KCNH8: variants seen among roughly 807,000 people sequenced by gnomAD.
KCNH8 encodes the protein voltage-gated delayed rectifier potassium channel KCNH8.
KCNH8 carries 70 observed loss-of-function variants against 103.6 expected under a neutral mutation model. The observed-to-expected ratio is 0.68, with a 90% CI of 0.56 to 0.82. KCNH8 has a LOEUF of 0.82. Among genes scored for constraint, KCNH8 ranks in the 40% least tolerant of loss-of-function variants. The probability of loss-of-function intolerance (pLI) is 0.00; values close to 1 mark genes in which losing one functional copy is unlikely to be tolerated. For missense variants in KCNH8, 1,217 were observed against 1,329.9 expected, an observed-to-expected ratio of 0.92 and a Z score of 1.32; for synonymous variants, 498 against 489.4, an observed-to-expected ratio of 1.02 and a Z score of -0.23.
intron 1 of KCNH8, 113 bp downstream of exon 1, chr3:19,148,908 G>T: frequency 2.1e-6 from 2 of 957,958 alleles, no homozygotes; most frequent in South Asian, 2.7e-5. Context: ...ATTTTCTTCT[G>T]TTCTTGCCAA....
chr3:19,232,691 C>T (rs372909682), intron 1 of KCNH8, among the ~76,000 whole-genome samples: 63 of 152,144 alleles, frequency 4.1e-4, no homozygotes, highest in African/African-American at 1.5e-3. Context: ...AATGCCCAAC[C>T]TGGGATAGCA....
intron 11 of KCNH8, among the ~76,000 whole-genome samples, chr3:19,507,655 A>C (rs544516386): frequency 6.6e-6 from 1 of 152,258 alleles, no homozygotes; most frequent in South Asian, 2.1e-4. Flanking sequence ...GTTGTGTTGG[A>C]GTCCCAGGTC....
At position 19,390,469 on chromosome 3, in the gene KCNH8, T is replaced by C. The variant is rs2066420517; in HGVS notation, c.812-12T>C. 1.3e-6 allele frequency: 2 copies of C among 1,598,116 alleles called. No individual in the cohort carries two copies. Among genetic ancestry groups the C allele is most frequent in the Non-Finnish European group, 1.7e-6 (2 of 1,170,044 alleles). On this transcript the variant is annotated splice_polypyrimidine_tract_variant and intron_variant, in intron 5 of 15. Coordinates refer to ENST00000328405, the MANE Select transcript of KCNH8 (RefSeq NM_144633.3). ...CTTCCTTTTATTTCTCAACCTTTTT[T>C]TTCCCAAGCAGATATTATTTTAAAT...
chr3:19,335,801 A>G (rs2065576459), intron 3 of KCNH8, among the ~76,000 whole-genome samples: 1 of 151,740 alleles, frequency 6.6e-6, no homozygotes, highest in African/African-American at 2.4e-5. Context: ...CATTAAATCT[A>G]AAAATAGAAC....
chr3:19,365,812 G>A (rs900202548), intron 5 of KCNH8, among the ~76,000 whole-genome samples: 2 of 151,928 alleles, frequency 1.3e-5, no homozygotes, highest in Admixed American at 1.3e-4. Flanking sequence ...GGGAAGGAAT[G>A]GGCTGCAATT....
In KCNH8 at chr3:19,220,464, G is replaced by A. The variant is rs11919622; in HGVS notation, c.77-33190G>A. 7.6e-3 allele frequency among the ~76,000 whole-genome samples: 1,160 copies of A among 152,368 alleles called. 15 individuals are homozygous for A. Among genetic ancestry groups the A allele is most frequent in the African/African-American group, 0.026 (1,067 of 41,592 alleles). The stretch of plus-strand genomic sequence containing the variant: ...CTTGCAGGGGTAAGATTGGTGACGT[G>A]TAGGAGAGTCTGAAAGGGTGTTTCT... On this transcript the variant is annotated intron_variant, in intron 1 of 15. Coordinates refer to ENST00000328405, the MANE Select transcript of KCNH8 (RefSeq NM_144633.3).
At chr3:19,419,188 GGTTTTGGTT>G (rs1438309026) in intron 7 of KCNH8, among the ~76,000 whole-genome samples, 4 of 75,880 alleles carry the variant, frequency 5.3e-5, no homozygotes, top group African/African-American at 1.9e-4. Context: ...TAATTAAAAT[GGTTTTGGTT>G]TTTTTTTTTT....
intron 7 of KCNH8, among the ~76,000 whole-genome samples, chr3:19,395,596 A>G (rs1162776843): frequency 1.3e-5 from 2 of 152,034 alleles, no homozygotes; most frequent in African/African-American, 2.4e-5. Flanking sequence ...ATAATGTTCA[A>G]TCTTATCTTG....
chr3:19,214,575 G>A (rs977495944), intron 1 of KCNH8, among the ~76,000 whole-genome samples: 4 of 152,278 alleles, frequency 2.6e-5, no homozygotes, highest in Middle Eastern at 3.4e-3. Context: ...TCAGGCCAAG[G>A]CTAAACTTTA....
intron 7 of KCNH8, among the ~76,000 whole-genome samples, chr3:19,402,845 G>A (rs2066633601): frequency 6.6e-6 from 1 of 151,896 alleles, no homozygotes; most frequent in African/African-American, 2.4e-5. Context: ...TGCTTGTTCC[G>A]TACTTCCTTA....
At chr3:19,327,033 T>G (rs1197979304) in intron 3 of KCNH8, among the ~76,000 whole-genome samples, 1 of 152,110 alleles carries the variant, frequency 6.6e-6, no homozygotes, top group Non-Finnish European at 1.5e-5. Context: ...TCTAGTTCTC[T>G]CTCTCTGTCT....
intron 11 of KCNH8, among the ~76,000 whole-genome samples, chr3:19,490,498 T>C (rs1017010052): frequency 7.2e-5 from 11 of 152,200 alleles, no homozygotes; most frequent in African/African-American, 2.7e-4. Flanking sequence ...ACAGGGATTT[T>C]CACAGTGCTT....
At chr3:19,199,357 A>G (rs1452410516) in intron 1 of KCNH8, among the ~76,000 whole-genome samples, 1 of 152,040 alleles carries the variant, frequency 6.6e-6, no homozygotes, top group Non-Finnish European at 1.5e-5. Flanking sequence ...AATCAGAAAC[A>G]AAGGGCATCA....
Position 19,343,559 on chromosome 3 carries a change from G to A in KCNH8, c.570+845G>A, listed in dbSNP as rs528355221. On this transcript the variant is annotated intron_variant, in intron 4 of 15. Coordinates refer to ENST00000328405, the MANE Select transcript of KCNH8 (RefSeq NM_144633.3). ...TGTATGGGGTGTTGTGTGACCATAG[G>A]TGGCAGATTAAATACCAGCATCTAA... Among the ~76,000 whole-genome samples the A allele has an allele frequency of 4.6e-5, 7 of 152,156 alleles. No individual in the cohort carries two copies. The South Asian group carries it at 1.5e-3, about 32-fold the overall frequency.
intron 11 of KCNH8, among the ~76,000 whole-genome samples, chr3:19,468,662 G>A (rs1036476178): frequency 6.6e-6 from 1 of 152,162 alleles, no homozygotes; most frequent in African/African-American, 2.4e-5. Flanking sequence ...TAAAAGATCT[G>A]CCTTCAAATC....
intron 3 of KCNH8, among the ~76,000 whole-genome samples, chr3:19,304,582 A>T (rs530733827): frequency 6.5e-4 from 99 of 152,216 alleles, no homozygotes; most frequent in African/African-American, 2.3e-3. Context: ...TAATGATAGA[A>T]TTTTTTAACA....
intron 11 of KCNH8, among the ~76,000 whole-genome samples, chr3:19,483,514 C>CTAA (rs2068134213): frequency 6.6e-6 from 1 of 152,082 alleles, no homozygotes; most frequent in African/African-American, 2.4e-5. Context: ...TCTGTAGGTA[C>CTAA]TAATTTTCAT....
intron 11 of KCNH8, among the ~76,000 whole-genome samples, chr3:19,498,606 T>C (rs2068500786): frequency 6.6e-6 from 1 of 152,230 alleles, no homozygotes; most frequent in Non-Finnish European, 1.5e-5. Context: ...CATCCAGCTT[T>C]CTTCTGTTGC....
chr3:19,492,036 T>C (rs1022471236), intron 11 of KCNH8, among the ~76,000 whole-genome samples: 5 of 152,222 alleles, frequency 3.3e-5, no homozygotes, highest in African/African-American at 1.2e-4. Context: ...TTTTTGCTTG[T>C]AAATTTGTTT....
Sources: allele counts gnomAD v4.1 joint callset (sites outside exome capture counted in the v4.1 genomes callset), GRCh38; gene constraint gnomAD v4.1.1; transcripts MANE v1.5; gene names NCBI Gene and HGNC (gene_info 2026-07-23, HGNC 2026-07-21).